GPC6: variants seen among roughly 807,000 people sequenced by gnomAD.
The protein encoded by GPC6 is glypican-6.
GPC6 carries 14 observed loss-of-function variants against 55.2 expected under a neutral mutation model. The ratio of observed to expected loss-of-function variants is 0.25; its 90% CI spans 0.17 to 0.40. GPC6 has a LOEUF of 0.40. GPC6 is among the 10% of genes least tolerant of loss of function. The pLI, the probability that GPC6 is intolerant of heterozygous loss-of-function variation, is 1.00. For missense variants in GPC6, 641 were observed against 708.5 expected (o/e 0.90, Z 1.08); for synonymous variants, 278 against 259.6 (o/e 1.07, Z -0.68).
chr13:93,768,787 A>C (rs954712711), intron 2 of GPC6, among the ~76,000 whole-genome samples: 1 of 152,168 alleles, frequency 6.6e-6, no homozygotes, highest in African/African-American at 2.4e-5. Context: ...TCTTAATTAA[A>C]CTAATGTTGA....
chr13:93,668,417 T>C (rs73543589), intron 2 of GPC6, among the ~76,000 whole-genome samples: 6,328 of 152,260 alleles, frequency 0.042, 443 homozygotes, highest in African/African-American at 0.14. Context: ...GATAGTGTAG[T>C]GGGTTGAATG....
At chr13:93,939,368 G>A (rs539119037) in intron 3 of GPC6, among the ~76,000 whole-genome samples, 3 of 150,774 alleles carry the variant, frequency 2.0e-5, no homozygotes, top group South Asian at 2.1e-4. Flanking sequence ...GCAGTGAGCC[G>A]AGATGCGCCA....
intron 7 of GPC6, among the ~76,000 whole-genome samples, chr13:94,393,733 C>G (rs1880772350): frequency 6.6e-6 from 1 of 152,092 alleles, no homozygotes; most frequent in Admixed American, 6.6e-5. Flanking sequence ...ACCTTCCTTG[C>G]TAGTGCCTCA....
intron 1 of GPC6, among the ~76,000 whole-genome samples, chr13:93,254,366 A>G (rs180875150): frequency 5.3e-5 from 8 of 152,342 alleles, no homozygotes; most frequent in African/African-American, 1.4e-4. Flanking sequence ...TAGATAGTAC[A>G]GCTACCATAT....
chr13:93,973,661 T>C (rs905268956), intron 3 of GPC6, among the ~76,000 whole-genome samples: 2 of 152,210 alleles, frequency 1.3e-5, no homozygotes, highest in African/African-American at 2.4e-5. Flanking sequence ...AAAATGGTAA[T>C]ATCTCTAAAG....
chr13:93,516,806 A>T (rs1162047787), intron 1 of GPC6, among the ~76,000 whole-genome samples: 1 of 151,182 alleles, frequency 6.6e-6, no homozygotes, highest in East Asian at 1.9e-4. Context: ...GGCTCCTCTG[A>T]ATTTTTAAAC....
At chr13:94,030,084 G>A (rs1182396800) in intron 4 of GPC6, among the ~76,000 whole-genome samples, 1 of 150,574 alleles carries the variant, frequency 6.6e-6, no homozygotes, top group Non-Finnish European at 1.5e-5. Context: ...CTCACTGCAA[G>A]CTCCGCCTCC....
chr13:93,892,655 C>T (rs1875758674), intron 3 of GPC6, among the ~76,000 whole-genome samples: 1 of 152,170 alleles, frequency 6.6e-6, no homozygotes, highest in African/African-American at 2.4e-5. Flanking sequence ...TATGTAATCA[C>T]ATGACATAGG....
intron 4 of GPC6, among the ~76,000 whole-genome samples, chr13:94,174,924 G>T (rs1184954295): frequency 2.0e-5 from 3 of 152,066 alleles, no homozygotes; most frequent in Non-Finnish European, 2.9e-5. Context: ...TTTTATGTAT[G>T]AGTACAGGTT....
At chr13:94,202,150 G>T (rs1219232154) in intron 4 of GPC6, among the ~76,000 whole-genome samples, 1 of 152,130 alleles carries the variant, frequency 6.6e-6, no homozygotes, top group Non-Finnish European at 1.5e-5. Context: ...CTGCAAAACA[G>T]GGGCCATTCT....
intron 3 of GPC6, among the ~76,000 whole-genome samples, chr13:93,901,448 A>G (rs563155646): frequency 1.2e-4 from 18 of 152,266 alleles, no homozygotes; most frequent in South Asian, 6.2e-4. Context: ...CAGAAACTAG[A>G]ACAAAAACCT....
chr13:93,335,177 G>C (rs1157280079), intron 1 of GPC6, among the ~76,000 whole-genome samples: 1 of 152,146 alleles, frequency 6.6e-6, no homozygotes, highest in Admixed American at 6.5e-5. Context: ...AGTTCTGTAT[G>C]CAATTATCCT....
chr13:94,326,184 A>G (rs879411976), intron 6 of GPC6, among the ~76,000 whole-genome samples: 9 of 148,328 alleles, frequency 6.1e-5, no homozygotes, highest in Non-Finnish European at 1.2e-4. Context: ...CACTAAGATC[A>G]GGTATTTTTG....
chr13:93,217,090 C>T, the GPC6 span, among the ~76,000 whole-genome samples: 2 of 152,162 alleles, frequency 1.3e-5, no homozygotes, highest in South Asian at 4.1e-4. Context: ...CCAAAGACTT[C>T]TAATGAATAT....
chr13:93,428,592 T>C (rs560066853), intron 1 of GPC6, among the ~76,000 whole-genome samples: 15 of 152,282 alleles, frequency 9.9e-5, no homozygotes, highest in African/African-American at 3.6e-4. Flanking sequence ...AAACTATCAA[T>C]GTGTAATGAT....
At chr13:93,970,378 G>A (rs989448277) in intron 3 of GPC6, among the ~76,000 whole-genome samples, 2 of 152,226 alleles carry the variant, frequency 1.3e-5, no homozygotes, top group Non-Finnish European at 2.9e-5. Context: ...AAAGAAGGCT[G>A]TAGATAGGGA....
At chr13:93,876,798 C>G (rs1874617853) in intron 3 of GPC6, among the ~76,000 whole-genome samples, 1 of 152,152 alleles carries the variant, frequency 6.6e-6, no homozygotes, top group Non-Finnish European at 1.5e-5. Flanking sequence ...CCATTTTGCT[C>G]TTACATTAAA....
At chr13:93,902,673 C>T (rs1876425543) in intron 3 of GPC6, among the ~76,000 whole-genome samples, 2 of 152,192 alleles carry the variant, frequency 1.3e-5, no homozygotes, top group South Asian at 4.1e-4. Context: ...TTCCCGCTAA[C>T]AGTTTCCCTT....
intron 6 of GPC6, among the ~76,000 whole-genome samples, chr13:94,364,718 G>A (rs1004558971): frequency 6.6e-6 from 1 of 152,128 alleles, no homozygotes; most frequent in Non-Finnish European, 1.5e-5. Context: ...AAAAGGCCCA[G>A]TACATTGTAG....
Sources: allele counts gnomAD v4.1 joint callset (sites outside exome capture counted in the v4.1 genomes callset), GRCh38; gene constraint gnomAD v4.1.1; transcripts MANE v1.5; gene names NCBI Gene and HGNC (gene_info 2026-07-23, HGNC 2026-07-21).